Variants in WDR55 observed in about 807,000 individuals in gnomAD.
WDR55 encodes the protein WD repeat-containing protein 55.
A neutral mutation model predicts 34.0 loss-of-function variants in WDR55; 31 were observed. That is an observed-to-expected ratio of 0.91 (90% CI 0.69 to 1.23). The LOEUF (loss-of-function observed/expected upper bound fraction) is 1.23, where lower values mean the gene tolerates loss of function less well. Among genes scored for constraint, WDR55 ranks in the 50% most tolerant of loss-of-function variants. WDR55 has a pLI of 0.00. For missense variants in WDR55, 440 were observed against 494.6 expected (o/e 0.89, Z 1.05); for synonymous variants, 164 against 185.9 (o/e 0.88, Z 0.96).
At chr5:140,669,027 T>TG (rs1316150010) in intron 5 of WDR55, 37 bp downstream of exon 5, 3 of 1,614,040 alleles carry the variant, frequency 1.9e-6, no homozygotes, top group African/African-American at 1.3e-5. Flanking sequence ...GGGTGTGTGC[T>TG]GGGGGCTTAG....
Position 140,672,018 on chromosome 5 carries a change from T to A in WDR55, c.*2364T>A. 2 of 582,890 alleles carry A rather than the reference T, an allele frequency of 3.4e-6. No homozygotes were observed. The highest frequency in any genetic ancestry group is 6.1e-6 in the Non-Finnish European group (2 of 327,514). The allele number at this position is 582,890 out of a possible 1,614,324, so 36.1% of individuals were successfully genotyped here. ...CATAACCATCATAATGGCTAATCTT[T>A]ACTGGGAAAACTTGCTGTAAGTCAG... On this transcript the variant is annotated 3_prime_UTR_variant, in exon 7 of 7. Transcript: ENST00000358337.
At chr5:140,666,122 C>T (rs758794531) in intron 1 of WDR55, among the ~76,000 whole-genome samples, 27 of 150,908 alleles carry the variant, frequency 1.8e-4, no homozygotes, top group Non-Finnish European at 5.9e-5. Flanking sequence ...TTGGGCCGGG[C>T]GTGGTGGCTC....
At chr5:140,665,931 G>GT (rs1351349709) in intron 1 of WDR55, among the ~76,000 whole-genome samples, 2 of 151,946 alleles carry the variant, frequency 1.3e-5, no homozygotes, top group South Asian at 2.1e-4. Flanking sequence ...GATTCGGGCG[G>GT]TGGAGGTTGC....
chr5:140,670,406 T>G lies in WDR55; in HGVS notation c.*752T>G, dbSNP rs1183921597. 1 of 148,764 alleles carries G rather than the reference T, an allele frequency of 6.7e-6. No homozygotes were observed. Among genetic ancestry groups the G allele is most frequent in the Non-Finnish European group, 1.5e-5 (1 of 67,728 alleles). 9.2% of individuals were successfully genotyped at this position (148,764 alleles called of 1,614,324 possible). On this transcript the variant is annotated 3_prime_UTR_variant, in exon 7 of 7. Transcript: ENST00000358337. Reference sequence around the variant, plus strand: ...TCTTGTTGCCAGGGCTGGAGTGCAATGGCGTGATCTTGGCTCACTGCAACC... The same window carrying G: ...TCTTGTTGCCAGGGCTGGAGTGCAAGGGCGTGATCTTGGCTCACTGCAACC...
chr5:140,669,606 C>T lies in WDR55; in HGVS notation c.1104C>T (p.Asp368=). The change falls in exon 7 of 7, where the codon GAC becomes GAT. Residue 368 remains aspartate, a synonymous_variant. Coordinates refer to ENST00000358337, the MANE Select transcript of WDR55 (RefSeq NM_017706.5). ...FFAGLREEGE[D]SMAQEEKEET... is the part of the protein sequence containing the mutation. ...CAGGACTGAGGGAAGAGGGAGAAGA[C>T]TCCATGGCTCAGGAAGAAAAGGAGG... 6.2e-7 allele frequency: 1 copy of T among 1,614,128 alleles called. No homozygotes were observed. The highest frequency in any genetic ancestry group is 8.5e-7 in the Non-Finnish European group (1 of 1,179,998).
intron 1 of WDR55, among the ~76,000 whole-genome samples, chr5:140,665,323 A>G (rs1197860474): frequency 1.3e-5 from 2 of 152,142 alleles, no homozygotes; most frequent in Admixed American, 1.3e-4. Context: ...AAAGCCCTTT[A>G]AGGCCTTGTT....
Position 140,671,448 on chromosome 5 carries a change from C to T in WDR55, c.*1794C>T. Reference sequence around the variant, plus strand: ...AGGGTCAGCACAACCCAGATGAGGCCGCTGAAGGGCACCGGATGCCCAGGA... The same window carrying T: ...AGGGTCAGCACAACCCAGATGAGGCTGCTGAAGGGCACCGGATGCCCAGGA... On this transcript the variant is annotated 3_prime_UTR_variant, in exon 7 of 7. Coordinates refer to ENST00000358337, the MANE Select transcript of WDR55 (RefSeq NM_017706.5). 25 of 1,611,158 alleles carry T rather than the reference C, an allele frequency of 1.6e-5. No individual in the cohort carries two copies. The highest frequency in any genetic ancestry group is 2.1e-5 in the Non-Finnish European group (25 of 1,179,584).
chr5:140,666,695 C>T, intron 1 of WDR55: 16 of 984,820 alleles, frequency 1.6e-5, no homozygotes, highest in Non-Finnish European at 1.8e-5. Context: ...ATACCTTTTA[C>T]ATTATATATG....
chr5:140,669,001 T>TTA lies in WDR55; in HGVS notation c.660+13_660+14dup, dbSNP rs1243746824. 5.0e-6 allele frequency: 8 copies of TTA among 1,614,042 alleles called. No individual in the cohort carries two copies. The South Asian group carries it at 7.7e-5, about 16-fold the overall frequency. ...GTCACTCTCATGAAAGTACAGCTGG[T>TTA]TATGGTGGGATGGAGGGGTGTGTGC... On this transcript the variant is annotated intron_variant, in intron 5 of 6. Transcript: ENST00000358337.
At position 140,671,991 on chromosome 5, in the gene WDR55, C is replaced by T. The variant is rs1300917624; in HGVS notation, c.*2337C>T. The T allele has an allele frequency of 3.3e-6, 2 of 602,462 alleles. No individual in the cohort carries two copies. Among genetic ancestry groups the T allele is most frequent in the African/African-American group, 3.7e-5 (2 of 53,924 alleles). 37.3% of individuals were successfully genotyped at this position (602,462 alleles called of 1,614,324 possible). A position where few individuals can be genotyped will look rare whatever the true frequency, so the allele number is the denominator to read the frequency against. On this transcript the variant is annotated 3_prime_UTR_variant, in exon 7 of 7. Transcript: ENST00000358337. ...CTGGTTAATTGCAGGCTTTGTCTGC[C>T]TCATAACCATCATAATGGCTAATCT...
intron 1 of WDR55, among the ~76,000 whole-genome samples, chr5:140,665,483 G>A: frequency 6.6e-6 from 1 of 151,976 alleles, no homozygotes; most frequent in East Asian, 2.0e-4. Flanking sequence ...TCAGCCTCCC[G>A]AGTAGCTGGG....
rs551515581 is a variant in WDR55 at position 140,671,020 on chromosome 5, G to A, written c.*1366G>A. On this transcript the variant is annotated 3_prime_UTR_variant, in exon 7 of 7. Coordinates refer to ENST00000358337, the MANE Select transcript of WDR55 (RefSeq NM_017706.5). ...CAGAGGGGGGAAGGTATGATCGGGT[G>A]GGGGTGGGACAAGGAACGGCCATGG... 1.8e-6 allele frequency: 1 copy of A among 556,960 alleles called. No individual in the cohort carries two copies. The highest frequency in any genetic ancestry group is 3.1e-5 in the East Asian group (1 of 32,524). The allele number at this position is 556,960 out of a possible 1,614,324, so 34.5% of individuals were successfully genotyped here.
chr5:140,666,266 G>A (rs1757920439), intron 1 of WDR55, among the ~76,000 whole-genome samples: 1 of 150,930 alleles, frequency 6.6e-6, no homozygotes, highest in South Asian at 2.1e-4. Context: ...TGTGGTGGCG[G>A]GCACCTGTAA....
chr5:140,668,090 T>A (rs1757964788), intron 1 of WDR55, 144 bp from the exon 2 acceptor site: 2 of 817,774 alleles, frequency 2.4e-6, no homozygotes, highest in Non-Finnish European at 1.8e-6. Context: ...AATGGAGAAA[T>A]GAGATGGTAA....
rs1242727443 is a variant in WDR55, at chr5:140,668,720, T to C, written c.489T>C (p.Asp163=). Residue 163 remains aspartate (D), a synonymous_variant, in exon 4 of 7, where the codon GAT becomes GAC. Transcript: ENST00000358337. The part of the protein sequence containing the change: ...WDQRKEGPLM[D]MRQHEEYIAD... The stretch of plus-strand genomic sequence containing the variant: ...AGCGGAAGGAGGGCCCCTTAATGGA[T>C]ATGAGGCAACATGAAGAGTACATCG... The C allele has an allele frequency of 6.2e-7, 1 of 1,614,134 alleles. No homozygotes were observed. The highest frequency in any genetic ancestry group is 8.5e-7 in the Non-Finnish European group (1 of 1,180,028).
At chr5:140,666,181 A>C (rs1163912863) in intron 1 of WDR55, among the ~76,000 whole-genome samples, 2 of 151,738 alleles carry the variant, frequency 1.3e-5, no homozygotes, top group Non-Finnish European at 2.9e-5. Context: ...GTATCACCTG[A>C]GGTCAGGAGT....
intron 4 of WDR55, 30 bp from the exon 5 acceptor site, chr5:140,668,861 C>T (rs752755164): frequency 8.1e-6 from 13 of 1,613,852 alleles, no homozygotes; most frequent in East Asian, 2.2e-5. Flanking sequence ...ATAGACCTTG[C>T]GTCTAAGCCT....
chr5:140,667,545 T>C (rs1275540476), intron 1 of WDR55: 3 of 152,244 alleles, frequency 2.0e-5, no homozygotes, highest in African/African-American at 7.2e-5. Flanking sequence ...ATTCATTCAA[T>C]TTGTGAATGT....
intron 1 of WDR55, chr5:140,666,843 G>T: frequency 1.0e-6 from 1 of 985,138 alleles, no homozygotes; most frequent in Non-Finnish European, 1.2e-6. Context: ...CATCGGTTTT[G>T]TTCTCTATTT....
Sources: allele counts gnomAD v4.1 joint callset (sites outside exome capture counted in the v4.1 genomes callset), GRCh38; gene constraint gnomAD v4.1.1; transcripts MANE v1.5; gene names NCBI Gene and HGNC (gene_info 2026-07-23, HGNC 2026-07-21).